The following FER1L6 variants were observed in gnomAD, a reference collection of about 807,000 sequenced individuals.
FER1L6 encodes fer-1 like family member 6.
FER1L6 carries 177 observed loss-of-function variants against 219.2 expected under a neutral mutation model. That is an observed-to-expected ratio of 0.81 (90% CI 0.71 to 0.91). The LOEUF (loss-of-function observed/expected upper bound fraction) is 0.91. Among genes scored for constraint, FER1L6 ranks in the 40% least tolerant of loss-of-function variants. The pLI, the probability that FER1L6 is intolerant of heterozygous loss-of-function variation, is 0.00. For missense variants in FER1L6, 2,153 were observed against 2,259.9 expected (o/e 0.95, Z 0.96); for synonymous variants, 768 against 824.3 (o/e 0.93, Z 1.17).
intron 1 of FER1L6, among the ~76,000 whole-genome samples, chr8:123,946,865 A>C (rs981675425): frequency 6.6e-6 from 1 of 152,120 alleles, no homozygotes; most frequent in Non-Finnish European, 1.5e-5. Context: ...CACGGAAATG[A>C]CTTTATTATT....
At chr8:124,047,917 G>C (rs781193102) in intron 21 of FER1L6, among the ~76,000 whole-genome samples, 7 of 152,168 alleles carry the variant, frequency 4.6e-5, no homozygotes, top group Non-Finnish European at 7.3e-5. Flanking sequence ...ATAAGAATCT[G>C]CTGGTTCTGG....
At chr8:124,081,053 G>A (rs1425568140) in intron 32 of FER1L6, among the ~76,000 whole-genome samples, 1 of 152,118 alleles carries the variant, frequency 6.6e-6, no homozygotes. Context: ...GCTTCACTGG[G>A]GAGTAAGTGT....
At chr8:124,010,559 T>C (rs911172804) in intron 13 of FER1L6, 35 bp from the exon 14 acceptor site, 1 of 1,610,646 alleles carries the variant, frequency 6.2e-7, no homozygotes, top group Non-Finnish European at 8.5e-7. Flanking sequence ...AAACACTGAT[T>C]ACCAGCTAAC....
intron 12 of FER1L6, among the ~76,000 whole-genome samples, chr8:123,998,719 T>C (rs1817262944): frequency 2.0e-5 from 3 of 152,228 alleles, no homozygotes; most frequent in Admixed American, 1.3e-4. Flanking sequence ...TCTAAAACCT[T>C]AGAAATCTAC....
intron 1 of FER1L6, among the ~76,000 whole-genome samples, chr8:123,928,048 C>A (rs1487240780): frequency 6.6e-6 from 1 of 152,044 alleles, no homozygotes; most frequent in Non-Finnish European, 1.5e-5. Flanking sequence ...AAGAAGGTTT[C>A]ATTGATTTGT....
At chr8:124,067,876 A>G in intron 28 of FER1L6, 70 bp downstream of exon 28, 1 of 1,291,078 alleles carries the variant, frequency 7.7e-7, no homozygotes, top group Admixed American at 1.7e-5. Flanking sequence ...GTAAAATGGA[A>G]GCCACGGGAG....
chr8:124,060,758 A>G, intron 24 of FER1L6, 49 bp downstream of exon 24: 1 of 1,580,860 alleles, frequency 6.3e-7, no homozygotes, highest in Non-Finnish European at 8.6e-7. Flanking sequence ...TTTTTTGCAC[A>G]GATGAGATGT....
intron 34 of FER1L6, among the ~76,000 whole-genome samples, chr8:124,092,837 C>T (rs376321256): frequency 2.3e-5 from 3 of 132,560 alleles, no homozygotes; most frequent in Non-Finnish European, 4.7e-5. Flanking sequence ...AGAGAGAAAG[C>T]GGGGAAGTGC....
intron 20 of FER1L6, among the ~76,000 whole-genome samples, chr8:124,042,603 C>T (rs1056766380): frequency 6.6e-6 from 1 of 152,228 alleles, no homozygotes; most frequent in Non-Finnish European, 1.5e-5. Context: ...TTTCCCTCTC[C>T]TGTTTCACTT....
chr8:123,992,277 C>G (rs1381093307), intron 12 of FER1L6, among the ~76,000 whole-genome samples: 1 of 152,124 alleles, frequency 6.6e-6, no homozygotes, highest in African/African-American at 2.4e-5. Context: ...AGAATTGGTA[C>G]TAACTCTTTT....
chr8:124,045,373 C>A (rs1819680530), intron 20 of FER1L6, among the ~76,000 whole-genome samples: 1 of 152,180 alleles, frequency 6.6e-6, no homozygotes, highest in African/African-American at 2.4e-5. Flanking sequence ...AATAACTGAA[C>A]CTACCTCCCA....
chr8:123,994,769 T>A (rs1470789113), intron 12 of FER1L6, among the ~76,000 whole-genome samples: 2 of 152,190 alleles, frequency 1.3e-5, no homozygotes, highest in African/African-American at 4.8e-5. Flanking sequence ...AGCTGGGGGC[T>A]TCTGTAAACC....
At chr8:123,946,371 T>A (rs1268566446) in intron 1 of FER1L6, among the ~76,000 whole-genome samples, 1 of 151,988 alleles carries the variant, frequency 6.6e-6, no homozygotes, top group Admixed American at 6.6e-5. Flanking sequence ...CCTGCCTCAG[T>A]CTCCTGAGTA....
intron 32 of FER1L6, among the ~76,000 whole-genome samples, chr8:124,081,206 C>G (rs926258585): frequency 1.3e-5 from 2 of 152,094 alleles, no homozygotes; most frequent in African/African-American, 4.8e-5. Context: ...CCAGAGCAGA[C>G]AGTCTACACA....
intron 39 of FER1L6, among the ~76,000 whole-genome samples, chr8:124,114,203 T>C (rs1823137183): frequency 1.3e-5 from 2 of 152,066 alleles, no homozygotes; most frequent in Admixed American, 6.6e-5. Flanking sequence ...CAGTTGGAAA[T>C]AAATCAGTCA....
intron 22 of FER1L6, among the ~76,000 whole-genome samples, chr8:124,056,183 G>GA (rs1820286629): frequency 6.6e-6 from 1 of 152,172 alleles, no homozygotes; most frequent in Admixed American, 6.5e-5. Flanking sequence ...TGAGGATTAG[G>GA]ATATGAACAT....
chr8:123,884,805 T>C (rs1244653798), intron 1 of FER1L6, among the ~76,000 whole-genome samples: 2 of 152,178 alleles, frequency 1.3e-5, no homozygotes, highest in African/African-American at 4.8e-5. Context: ...ATTTCCTCTC[T>C]GCTGCTCCAT....
In FER1L6 at chr8:124,119,685, G is replaced by T. The variant is rs746398940; in HGVS notation, c.5469G>T (p.Lys1823Asn). The T allele has an allele frequency of 4.3e-6, 7 of 1,613,438 alleles. No individual in the cohort carries two copies. The African/African-American group carries it at 8.0e-5, about 18-fold the overall frequency. The change falls in exon 41 of 41, where the codon AAG becomes AAT. Residue 1823 changes from lysine to asparagine, a missense_variant. By Grantham distance (94) the Lys-to-Asn change is moderately conservative. Transcript: ENST00000522917. ...ACCTCATCTGGAAGAATTACAAAAAGTACATCATCATTGCTTTCATTCTCA... is the reference window on the plus strand; with the variant it reads ...ACCTCATCTGGAAGAATTACAAAAATTACATCATCATTGCTTTCATTCTCA... Reference protein sequence around the residue: ...LYYLIWKNYKKYIIIAFILII... With the variant: ...LYYLIWKNYKNYIIIAFILII...
rs1815212356 is a variant in FER1L6, at chr8:123,960,266, T to C, written c.77-3012T>C. Among the ~76,000 whole-genome samples, 3 of 152,154 alleles carry C rather than the reference T, an allele frequency of 2.0e-5. No individual in the cohort carries two copies. In the South Asian group the frequency reaches 6.2e-4, roughly 32 times the overall value. On this transcript the variant is annotated intron_variant, in intron 2 of 40. Transcript: ENST00000522917. Reference sequence around the variant, plus strand: ...CATCATGCAGAGTCTCTCGGTTTATTAGGAAGGCTCAGCCACTCTCGTTTT... The same window carrying C: ...CATCATGCAGAGTCTCTCGGTTTATCAGGAAGGCTCAGCCACTCTCGTTTT...
Sources: gnomAD v4.1 joint callset for allele counts (sites outside exome capture counted in the v4.1 genomes callset) on GRCh38, gnomAD v4.1.1 for gene constraint, MANE v1.5 for transcripts, NCBI Gene and HGNC (gene_info 2026-07-23, HGNC 2026-07-21) for gene names.